MS4A4E: variants seen among roughly 807,000 people sequenced by gnomAD.
MS4A4E encodes the protein putative membrane-spanning 4-domains subfamily A member 4E.
Under a neutral mutation model 13.3 loss-of-function variants are expected in MS4A4E, and 23 were observed. The ratio of observed to expected loss-of-function variants is 1.73; its 90% CI spans 1.25 to 2.45. The LOEUF (loss-of-function observed/expected upper bound fraction) is 2.45. MS4A4E is among the 30% of genes most tolerant of loss of function. MS4A4E has a pLI of 0.00. For synonymous variants in MS4A4E, 36 were observed against 45.6 expected (o/e 0.79, Z 0.85); for missense variants, 144 against 131.2 (o/e 1.10, Z -0.48).
At chr11:60,213,418 C>T in intron 4 of MS4A4E, 2 of 926,628 alleles carry the variant, frequency 2.2e-6, no homozygotes, top group Admixed American at 4.8e-5. Context: ...ATGTCTGTGT[C>T]CTTCCCTGCC....
chr11:60,242,938 A>G lies in MS4A4E; in HGVS notation c.-17+20T>C, dbSNP rs1001551811. On this transcript the variant is annotated intron_variant, in intron 1 of 8. Coordinates refer to ENST00000651255, the MANE Select transcript of MS4A4E (RefSeq NM_001393391.1). ...AAACTATCAGTCCGAGAGCCTAGGA[A>G]GGCAAGTCCCTGGACCTACCTTTCT... The G allele has an allele frequency of 1.2e-5, 19 of 1,549,838 alleles. No homozygotes were observed. The African/African-American group carries it at 2.3e-4, about 19-fold the overall frequency.
intron 1 of MS4A4E, among the ~76,000 whole-genome samples, chr11:60,237,668 C>T (rs1227594898): frequency 6.6e-6 from 1 of 152,044 alleles, no homozygotes; most frequent in East Asian, 1.9e-4. Flanking sequence ...GGGGGCATTT[C>T]ATTATGGTTT....
chr11:60,213,383 T>C (rs932346265), intron 4 of MS4A4E: 42 of 1,317,914 alleles, frequency 3.2e-5, no homozygotes, highest in Non-Finnish European at 4.1e-5. Context: ...TTTTCAATGA[T>C]TTTTTACACA....
intron 3 of MS4A4E, among the ~76,000 whole-genome samples, chr11:60,225,424 A>G (rs2084329014): frequency 6.6e-6 from 1 of 152,184 alleles, no homozygotes; most frequent in Non-Finnish European, 1.5e-5. Context: ...TGGCCAAGGA[A>G]TTAGAAAGCA....
chr11:60,230,119 G>T (rs1231282036), intron 1 of MS4A4E, 48 bp from the exon 2 acceptor site: 12 of 1,518,736 alleles, frequency 7.9e-6, no homozygotes, highest in Non-Finnish European at 1.1e-5. Context: ...AATGACAAAA[G>T]AAAGTCTTGA....
intron 1 of MS4A4E, among the ~76,000 whole-genome samples, chr11:60,237,021 C>A (rs2084492166): frequency 6.6e-6 from 1 of 152,154 alleles, no homozygotes; most frequent in African/African-American, 2.4e-5. Context: ...TAGGCATGAG[C>A]CACTGCGCCC....
At chr11:60,239,131 T>A (rs1006772183) in intron 1 of MS4A4E, among the ~76,000 whole-genome samples, 1 of 152,222 alleles carries the variant, frequency 6.6e-6, no homozygotes, top group Non-Finnish European at 1.5e-5. Flanking sequence ...TGGATCCTCT[T>A]AAGCAAACGA....
At chr11:60,242,911 A>G in intron 1 of MS4A4E, 47 bp downstream of exon 1, 2 of 1,407,498 alleles carry the variant, frequency 1.4e-6, no homozygotes, top group Non-Finnish European at 9.8e-7. Context: ...AGGAAATGAA[A>G]CAAACTATCA....
At chr11:60,230,598 AACTT>A (rs1469731762) in intron 1 of MS4A4E, among the ~76,000 whole-genome samples, 1 of 152,346 alleles carries the variant, frequency 6.6e-6, no homozygotes, top group African/African-American at 2.4e-5. Flanking sequence ...CTGGGAATGA[AACTT>A]ACAGCTCTGA....
intron 1 of MS4A4E, among the ~76,000 whole-genome samples, chr11:60,236,815 C>A (rs758282243): frequency 4.0e-5 from 6 of 151,700 alleles, no homozygotes; most frequent in Non-Finnish European, 7.4e-5. Context: ...CAGCTCACTA[C>A]AACCTCCGCC....
rs10696106 is a variant in MS4A4E at position 60,206,512 on chromosome 11, T to TACAC, written c.484-696_484-693dup. On this transcript the variant is annotated intron_variant, in intron 6 of 8. Coordinates refer to ENST00000651255, the MANE Select transcript of MS4A4E (RefSeq NM_001393391.1). ...ATGTATATATATACGTATATATATA[T>TACAC]ACACACACACACACACAGAGGTCAT... is the stretch of plus-strand genomic sequence containing the variant. 1.2e-3 allele frequency among the ~76,000 whole-genome samples: 120 copies of TACAC among 98,230 alleles called. 5 individuals carry two copies. The highest frequency in any genetic ancestry group is 5.1e-3 in the African/African-American group (105 of 20,582). The allele number at this position is 98,230 out of a possible 152,430, so 64.4% of individuals were successfully genotyped here.
chr11:60,233,732 G>C (rs1483879067), intron 1 of MS4A4E, among the ~76,000 whole-genome samples: 1 of 152,186 alleles, frequency 6.6e-6, no homozygotes, highest in African/African-American at 2.4e-5. Context: ...CCACTTCTAA[G>C]AGCCTCTATT....
intron 1 of MS4A4E, among the ~76,000 whole-genome samples, chr11:60,237,795 A>T (rs611267): frequency 1.3e-5 from 2 of 151,854 alleles, no homozygotes; most frequent in African/African-American, 2.4e-5. Flanking sequence ...TGTATCCTTC[A>T]AGCTTGCTTA....
chr11:60,234,011 T>G (rs970923690), intron 1 of MS4A4E, among the ~76,000 whole-genome samples: 4 of 152,356 alleles, frequency 2.6e-5, no homozygotes, highest in Admixed American at 2.0e-4. Flanking sequence ...TAAAACATAA[T>G]TCTGTTTTCT....
chr11:60,225,818 A>G (rs116495229), intron 3 of MS4A4E, among the ~76,000 whole-genome samples: 2,149 of 152,176 alleles, frequency 0.014, 61 homozygotes, highest in African/African-American at 0.049. Context: ...CAGAAATCAT[A>G]AAATTAAAAA....
chr11:60,207,635 T>C (rs10897016), intron 6 of MS4A4E, among the ~76,000 whole-genome samples: 23,142 of 152,214 alleles, frequency 0.15, 2,019 homozygotes, highest in African/African-American at 0.23. Context: ...ATTCTTTGGC[T>C]GACGGTTTTG....
chr11:60,241,363 C>T (rs181383262), intron 1 of MS4A4E, among the ~76,000 whole-genome samples: 1 of 152,266 alleles, frequency 6.6e-6, no homozygotes, highest in African/African-American at 2.4e-5. Context: ...CAATCTCTCA[C>T]GCACACCTTC....
rs145224572 is a variant in MS4A4E at position 60,241,854 on chromosome 11, A to G, written c.-17+1104T>C. On this transcript the variant is annotated intron_variant, in intron 1 of 8. Coordinates refer to ENST00000651255, the MANE Select transcript of MS4A4E (RefSeq NM_001393391.1). ...TATGCATCAGGTTCTTGACAACTAC[A>G]ATGTCTTCCCCGCCCCTCCTCCCCA... is the stretch of plus-strand genomic sequence containing the variant. Among the ~76,000 whole-genome samples the G allele has an allele frequency of 6.5e-3, 987 of 152,240 alleles. 6 individuals are homozygous for G. The highest frequency in any genetic ancestry group is 8.7e-3 in the Non-Finnish European group (589 of 68,012).
chr11:60,201,474 G>T lies in MS4A4E; in HGVS notation c.*69C>A. The T allele has an allele frequency of 4.2e-6, 1 of 237,616 alleles. No homozygotes were observed. Among genetic ancestry groups the T allele is most frequent in the Non-Finnish European group, 8.5e-6 (1 of 117,018 alleles). 14.7% of individuals were successfully genotyped at this position (237,616 alleles called of 1,614,324 possible). A position where few individuals can be genotyped will look rare whatever the true frequency, so the allele number is the denominator to read the frequency against. Reference sequence around the variant, plus strand: ...GAGACGCTCCTCACCTCCCAGACGGGGTCGCGGCCGGGCAGAGGTGCTCCT... The same window carrying T: ...GAGACGCTCCTCACCTCCCAGACGGTGTCGCGGCCGGGCAGAGGTGCTCCT... On this transcript the variant is annotated 3_prime_UTR_variant, in exon 9 of 9. Coordinates refer to ENST00000651255, the MANE Select transcript of MS4A4E (RefSeq NM_001393391.1).
Sources: allele counts gnomAD v4.1 joint callset (sites outside exome capture counted in the v4.1 genomes callset), GRCh38; gene constraint gnomAD v4.1.1; transcripts MANE v1.5; gene names NCBI Gene and HGNC (gene_info 2026-07-23, HGNC 2026-07-21).